The following SDK1 variants were observed in gnomAD, a reference collection of about 807,000 sequenced individuals.
SDK1 encodes the protein protein sidekick-1.
SDK1 carries 157 observed loss-of-function variants against 245.5 expected under a neutral mutation model. The observed-to-expected ratio is 0.64, with a 90% CI of 0.56 to 0.73. SDK1 has a LOEUF of 0.73. Ranked by LOEUF, SDK1 falls within the 30% of genes least tolerant of loss-of-function variation. The probability of loss-of-function intolerance (pLI) is 0.00; values close to 1 mark genes in which losing one functional copy is unlikely to be tolerated. For synonymous variants in SDK1, 1,647 were observed against 1,278.5 expected (o/e 1.29, Z -6.15); for missense variants, 3,583 against 3,002.3 (o/e 1.19, Z -4.52).
intron 1 of SDK1, among the ~76,000 whole-genome samples, chr7:3,562,826 T>TAAAA (rs1227407915): frequency 6.6e-6 from 1 of 150,492 alleles, no homozygotes; most frequent in East Asian, 2.0e-4. Flanking sequence ...CAAGACCTTA[T>TAAAA]AAAAGTTTCT....
At chr7:3,932,262 T>C (rs1484225295) in intron 5 of SDK1, among the ~76,000 whole-genome samples, 1 of 152,242 alleles carries the variant, frequency 6.6e-6, no homozygotes, top group African/African-American at 2.4e-5. Flanking sequence ...GGAGGGATCT[T>C]AGCTGTGCTT....
At chr7:3,590,064 A>G (rs572083453) in intron 1 of SDK1, among the ~76,000 whole-genome samples, 10 of 152,348 alleles carry the variant, frequency 6.6e-5, no homozygotes, top group African/African-American at 2.4e-4. Context: ...CTATTAGTGT[A>G]AATACGTATG....
chr7:3,433,159 A>G (rs1387808893), intron 1 of SDK1, among the ~76,000 whole-genome samples: 1 of 152,180 alleles, frequency 6.6e-6, no homozygotes, highest in African/African-American at 2.4e-5. Flanking sequence ...GGTGTTTAGC[A>G]AGTCCAAGTG....
At chr7:3,550,316 A>G (rs963578702) in intron 1 of SDK1, among the ~76,000 whole-genome samples, 12 of 152,170 alleles carry the variant, frequency 7.9e-5, no homozygotes, top group Admixed American at 7.2e-4. Context: ...TATTGTAGTC[A>G]TTTGCGTTTT....
At chr7:3,730,425 T>G (rs1779144373) in intron 4 of SDK1, among the ~76,000 whole-genome samples, 1 of 152,164 alleles carries the variant, frequency 6.6e-6, no homozygotes, top group South Asian at 2.1e-4. Flanking sequence ...TCTGGGACCA[T>G]CTGTGTCTAC....
chr7:3,846,163 T>C (rs1780273483), intron 5 of SDK1, among the ~76,000 whole-genome samples: 1 of 152,156 alleles, frequency 6.6e-6, no homozygotes, highest in Non-Finnish European at 1.5e-5. Flanking sequence ...AACTGAGTAG[T>C]AAAAGAGCTC....
rs573676513 is a variant in SDK1, at chr7:4,129,752, T to C, written c.3940-156T>C. ...CCACCTTCCTCCCCAAATGCCAGCA[T>C]GGACAAATTAGATCCAGAAGCCCTG... On this transcript the variant is annotated intron_variant, in intron 26 of 44. Transcript: ENST00000404826. 3 of 1,448,044 alleles carry C rather than the reference T, an allele frequency of 2.1e-6. No homozygotes were observed. In the South Asian group the frequency reaches 4.3e-5, roughly 21 times the overall value. 89.7% of individuals were successfully genotyped at this position (1,448,044 alleles called of 1,614,324 possible).
chr7:4,034,337 A>G (rs981437218), intron 17 of SDK1, among the ~76,000 whole-genome samples: 7 of 152,182 alleles, frequency 4.6e-5, no homozygotes, highest in African/African-American at 1.7e-4. Context: ...GAAACCGTAG[A>G]TTAGATGGCA....
intron 1 of SDK1, among the ~76,000 whole-genome samples, chr7:3,375,680 G>A (rs1781336718): frequency 6.6e-6 from 1 of 152,188 alleles, no homozygotes. Context: ...GAGAGGAACT[G>A]AGGCCTTGGT....
At chr7:3,829,616 G>A (rs576967953) in intron 5 of SDK1, among the ~76,000 whole-genome samples, 102 of 152,144 alleles carry the variant, frequency 6.7e-4, no homozygotes, top group Non-Finnish European at 8.8e-4. Flanking sequence ...ATATACCATG[G>A]AGGCTGGGTG....
chr7:3,311,552 AT>A (rs2128543647), intron 1 of SDK1, among the ~76,000 whole-genome samples: 1 of 152,254 alleles, frequency 6.6e-6, no homozygotes, highest in South Asian at 2.1e-4. Context: ...CCTTGGGAAT[AT>A]TTTTTCCAAA....
chr7:4,144,953 G>T (rs907914856), intron 28 of SDK1, among the ~76,000 whole-genome samples: 5 of 152,194 alleles, frequency 3.3e-5, no homozygotes, highest in Non-Finnish European at 7.3e-5. Flanking sequence ...GGCAGGGTGC[G>T]GACTGGAGCT....
rs564884272 is a variant in SDK1 at position 4,005,424 on chromosome 7, G to A, written c.2132-5542G>A. 3.9e-3 allele frequency among the ~76,000 whole-genome samples: 576 copies of A among 148,048 alleles called. 10 individuals carry two copies. The South Asian group carries it at 0.054, about 14-fold the overall frequency. ...TGTGTGTGTGTGTGTGTGTGTGTGT[G>A]TGTGTGTGTGTGTTAATACTTCTTG... On this transcript the variant is annotated intron_variant, in intron 14 of 44. Transcript: ENST00000404826.
In SDK1 at chr7:3,878,302, C is replaced by T. The variant is rs1583503678; in HGVS notation, c.847+56719C>T. ...TTGGGAGGCCGAGACGGGTGGATCA[C>T]GAGGTCAGCAGATCAAGACCATCCT... is the stretch of plus-strand genomic sequence containing the variant. On this transcript the variant is annotated intron_variant, in intron 5 of 44. Coordinates refer to ENST00000404826, the MANE Select transcript of SDK1 (RefSeq NM_152744.4). 2.6e-5 allele frequency among the ~76,000 whole-genome samples: 4 copies of T among 152,070 alleles called. No individual in the cohort carries two copies. The East Asian group carries it at 5.8e-4, about 22-fold the overall frequency.
At chr7:3,689,435 A>G (rs752384702) in intron 4 of SDK1, among the ~76,000 whole-genome samples, 26 of 152,194 alleles carry the variant, frequency 1.7e-4, no homozygotes, top group South Asian at 4.1e-4. Flanking sequence ...AGGGTGGAAC[A>G]GAGAGAGGGA....
intron 1 of SDK1, among the ~76,000 whole-genome samples, chr7:3,608,920 G>T (rs1781504688): frequency 6.6e-6 from 1 of 152,132 alleles, no homozygotes; most frequent in Non-Finnish European, 1.5e-5. Flanking sequence ...CTGGGAGGCT[G>T]TATGTTATTA....
At chr7:3,584,694 C>T (rs1583195713) in intron 1 of SDK1, among the ~76,000 whole-genome samples, 1 of 151,754 alleles carries the variant, frequency 6.6e-6, no homozygotes, top group Admixed American at 6.6e-5. Context: ...TGGGTCTGTG[C>T]CCTTGCTGAA....
At chr7:3,771,653 T>A (rs1043467163) in intron 4 of SDK1, among the ~76,000 whole-genome samples, 5 of 152,180 alleles carry the variant, frequency 3.3e-5, no homozygotes, top group Non-Finnish European at 5.9e-5. Flanking sequence ...GAAATTGTTA[T>A]TTTTTTCCAG....
At chr7:3,924,830 G>C (rs1237294151) in intron 5 of SDK1, among the ~76,000 whole-genome samples, 3 of 151,936 alleles carry the variant, frequency 2.0e-5, no homozygotes, top group African/African-American at 7.3e-5. Flanking sequence ...CCTTGTTCCT[G>C]TGTGTGTGTG....
Sources: allele counts gnomAD v4.1 joint callset (sites outside exome capture counted in the v4.1 genomes callset), GRCh38; gene constraint gnomAD v4.1.1; transcripts MANE v1.5; gene names NCBI Gene and HGNC (gene_info 2026-07-23, HGNC 2026-07-21).